The following COG4 variants were observed in gnomAD, a reference collection of about 807,000 sequenced individuals.
COG4 encodes the protein component of oligomeric golgi complex 4, also known as conserved oligomeric Golgi complex subunit 4.
Under a neutral mutation model 95.1 loss-of-function variants are expected in COG4, and 65 were observed. The ratio of observed to expected loss-of-function variants is 0.68; its 90% CI spans 0.56 to 0.84. The LOEUF (loss-of-function observed/expected upper bound fraction) is 0.84, where lower values mean the gene tolerates loss of function less well. COG4 is among the 40% of genes least tolerant of loss of function. The pLI is 0.00. For synonymous variants in COG4, 421 were observed against 374.8 expected (o/e 1.12, Z -1.42); for missense variants, 1,045 against 989.1 (o/e 1.06, Z -0.76).
chr16:70,499,487 TGG>T (rs2049404905), intron 9 of COG4, among the ~76,000 whole-genome samples: 1 of 152,218 alleles, frequency 6.6e-6, no homozygotes, highest in African/African-American at 2.4e-5. Context: ...AGATGCTGGG[TGG>T]GTCTCAAGTC....
rs898111950 is a variant in COG4, at chr16:70,481,193, A to T, written c.2236-49T>A. 4 of 1,612,690 alleles carry T rather than the reference A, an allele frequency of 2.5e-6. No homozygotes were observed. The East Asian group carries it at 8.9e-5, about 36-fold the overall frequency. On this transcript the variant is annotated intron_variant, in intron 18 of 18. Transcript: ENST00000323786. ...AGTCAGCAAGGTGGGGTTATTCTGAAAGAGGGCTCTGGCCTCTACCAGGGG... is the reference window on the plus strand; with the variant it reads ...AGTCAGCAAGGTGGGGTTATTCTGATAGAGGGCTCTGGCCTCTACCAGGGG...
At position 70,510,015 on chromosome 16, in the gene COG4, T is replaced by C. The variant is rs776771738; in HGVS notation, c.745A>G (p.Ser249Gly). Residue 249 changes from serine to glycine, a missense_variant, in exon 6 of 19, where the codon AGT becomes GGT. Transcript: ENST00000323786. ...FSEYLCKQVA[S>G]KAEENLLMVL... ...ATGAGCAGATTCTCCTCAGCTTTAC[T>C]GGCCACCTAAAAAAGGAGAAAACCC... 6.2e-7 allele frequency: 1 copy of C among 1,613,754 alleles called. No individual in the cohort carries two copies. Among genetic ancestry groups the C allele is most frequent in the East Asian group, 2.2e-5 (1 of 44,872 alleles).
At chr16:70,493,043 G>A (rs1040239051) in intron 12 of COG4, among the ~76,000 whole-genome samples, 1 of 152,102 alleles carries the variant, frequency 6.6e-6, no homozygotes, top group Non-Finnish European at 1.5e-5. Flanking sequence ...AAACTGTTTC[G>A]GTGTAAGGCA....
At chr16:70,512,203 C>A (rs747095081) in intron 5 of COG4, 36 bp downstream of exon 5, 23 of 1,599,674 alleles carry the variant, frequency 1.4e-5, no homozygotes, top group Non-Finnish European at 2.0e-5. Flanking sequence ...GGCAGACAGC[C>A]ACACAATTAT....
intron 11 of COG4, among the ~76,000 whole-genome samples, chr16:70,496,749 C>G (rs1006482682): frequency 6.6e-6 from 1 of 152,178 alleles, no homozygotes; most frequent in Admixed American, 6.5e-5. Flanking sequence ...GAGTTGAGAA[C>G]AGGTTTTGAG....
intron 1 of COG4, among the ~76,000 whole-genome samples, chr16:70,521,262 G>A (rs958931971): frequency 6.6e-6 from 1 of 151,794 alleles, no homozygotes; most frequent in Non-Finnish European, 1.5e-5. Flanking sequence ...TTTCACCCAG[G>A]CTGGAGTGAA....
At chr16:70,482,657 C>T (rs2049021870) in intron 15 of COG4, 72 bp downstream of exon 15, 4 of 1,245,490 alleles carry the variant, frequency 3.2e-6, no homozygotes, top group Non-Finnish European at 4.7e-6. Flanking sequence ...GTTCAGATGG[C>T]TCTGCTCCCT....
At chr16:70,491,824 C>CAAAAAAAA (rs772831502) in intron 12 of COG4, among the ~76,000 whole-genome samples, 22 of 59,294 alleles carry the variant, frequency 3.7e-4, no homozygotes, top group Non-Finnish European at 7.5e-4. Flanking sequence ...AACTACGTCT[C>CAAAAAAAA]AAAAAAAAAA....
At chr16:70,520,177 G>A (rs912055714) in intron 1 of COG4, among the ~76,000 whole-genome samples, 4 of 151,934 alleles carry the variant, frequency 2.6e-5, no homozygotes, top group African/African-American at 7.2e-5. Flanking sequence ...GGCTTACGTC[G>A]GTAATCCCAG....
intron 8 of COG4, among the ~76,000 whole-genome samples, chr16:70,504,201 C>T (rs2151754187): frequency 6.6e-6 from 1 of 152,256 alleles, no homozygotes; most frequent in South Asian, 2.1e-4. Context: ...TTCCCAGCTC[C>T]CCCATTCCCC....
At chr16:70,497,848 C>A (rs1223570982) in intron 10 of COG4, 89 bp downstream of exon 10, 2 of 826,870 alleles carry the variant, frequency 2.4e-6, no homozygotes, top group Non-Finnish European at 4.3e-6. Flanking sequence ...AAAGCAGGAC[C>A]AATAAATATG....
Position 70,523,521 on chromosome 16 carries a change from A to G in COG4, c.23T>C (p.Leu8Pro). The change falls in exon 1 of 19, where the codon CTT becomes CCT. Residue 8 changes from leucine (L) to proline (P), a missense_variant. Transcript: ENST00000323786. Reference sequence around the variant, plus strand: ...CCCTGACAGCTTCGGAGGCGAATCAAGGTCCGCCATCTTGGTCCCCATTCG... The same window carrying G: ...CCCTGACAGCTTCGGAGGCGAATCAGGGTCCGCCATCTTGGTCCCCATTCG... Reference protein sequence around the residue: MGTKMADLDSPPKLSGVQ... With the variant: MGTKMADPDSPPKLSGVQ... 1 of 1,614,010 alleles carries G rather than the reference A, an allele frequency of 6.2e-7. No homozygotes were observed. Among genetic ancestry groups the G allele is most frequent in the Non-Finnish European group, 8.5e-7 (1 of 1,180,024 alleles).
At chr16:70,501,879 C>T (rs529007998) in intron 8 of COG4, among the ~76,000 whole-genome samples, 1 of 150,890 alleles carries the variant, frequency 6.6e-6, no homozygotes, top group Admixed American at 6.6e-5. Context: ...GCCATGTTGG[C>T]TAGGCCAGTC....
intron 13 of COG4, among the ~76,000 whole-genome samples, chr16:70,489,150 G>A (rs1395945752): frequency 6.6e-6 from 1 of 151,878 alleles, no homozygotes; most frequent in Non-Finnish European, 1.5e-5. Context: ...TATAGGATTA[G>A]GCAAACCTTA....
chr16:70,499,826 AT>A (rs2049411739), intron 9 of COG4, among the ~76,000 whole-genome samples: 1 of 151,782 alleles, frequency 6.6e-6, no homozygotes, highest in Non-Finnish European at 1.5e-5. Context: ...CGCCCGGCTA[AT>A]TTTTTTGTAT....
At chr16:70,514,298 T>G (rs1373956396) in intron 4 of COG4, 37 bp downstream of exon 4, 1 of 1,605,720 alleles carries the variant, frequency 6.2e-7, no homozygotes, top group Non-Finnish European at 8.5e-7. Flanking sequence ...ACAGATGATT[T>G]TAACTAAACT....
intron 8 of COG4, among the ~76,000 whole-genome samples, chr16:70,506,194 G>C (rs1158131364): frequency 1.3e-5 from 2 of 151,788 alleles, no homozygotes; most frequent in Non-Finnish European, 2.9e-5. Context: ...TCAGGAGATC[G>C]AGTCCGTCCT....
Position 70,521,240 on chromosome 16 carries a change from C to T in COG4, c.172-1509G>A, listed in dbSNP as rs968880417. ...GCTATACTTTTTTTTTTTTTTGAGA[C>T]GAGTTTCGCTCTTTCACCCAGGCTG... On this transcript the variant is annotated intron_variant, in intron 1 of 18. Coordinates refer to ENST00000323786, the MANE Select transcript of COG4 (RefSeq NM_015386.3). 2.7e-5 allele frequency among the ~76,000 whole-genome samples: 4 copies of T among 149,988 alleles called. No homozygotes were observed. The South Asian group carries it at 6.3e-4, about 24-fold the overall frequency.
rs201723279 is a variant in COG4, at chr16:70,512,450, A to G, written c.545-18T>C. ...CATGCTCCCTGCTCAACAGGGAGAA[A>G]ATGAAAATTCAAGTAAAGAATAGTA... On this transcript the variant is annotated intron_variant, in intron 4 of 18. Transcript: ENST00000323786. The G allele has an allele frequency of 6.1e-5, 98 of 1,608,012 alleles. No homozygotes were observed. The highest frequency in any genetic ancestry group is 8.2e-5 in the Non-Finnish European group (97 of 1,175,780).
Sources: gnomAD v4.1 joint callset for allele counts (sites outside exome capture counted in the v4.1 genomes callset) on GRCh38, gnomAD v4.1.1 for gene constraint, MANE v1.5 for transcripts, NCBI Gene and HGNC (gene_info 2026-07-23, HGNC 2026-07-21) for gene names.